The following DENND1B variants were observed in gnomAD, a reference collection of about 807,000 sequenced individuals.
DENND1B encodes DENN domain containing 1B, also known as DENN domain-containing protein 1B.
Under a neutral mutation model 90.1 loss-of-function variants are expected in DENND1B, and 59 were observed. The ratio of observed to expected loss-of-function variants is 0.65; its 90% CI spans 0.53 to 0.81. The LOEUF (loss-of-function observed/expected upper bound fraction) is 0.81. Among genes scored for constraint, DENND1B ranks in the 40% least tolerant of loss-of-function variants. The pLI, the probability that DENND1B is intolerant of heterozygous loss-of-function variation, is 0.00. For synonymous variants in DENND1B, 337 were observed against 324.6 expected (o/e 1.04, Z -0.41); for missense variants, 862 against 912.6 (o/e 0.94, Z 0.71).
intron 10 of DENND1B, among the ~76,000 whole-genome samples, chr1:197,638,225 C>T (rs1055416769): frequency 6.6e-6 from 1 of 152,202 alleles, no homozygotes; most frequent in Admixed American, 6.5e-5. Context: ...TTCCAGTACT[C>T]ATAACATATT....
chr1:197,552,883 T>C (rs1442672913), intron 16 of DENND1B, 139 bp downstream of exon 16: 2 of 1,453,374 alleles, frequency 1.4e-6, no homozygotes, highest in Admixed American at 3.0e-5. Context: ...TTTTATAAGA[T>C]GAAAAATGTA....
chr1:197,534,723 A>G lies in DENND1B; in HGVS notation c.1515+5241T>C, dbSNP rs530844789. 2.6e-5 allele frequency among the ~76,000 whole-genome samples: 4 copies of G among 152,326 alleles called. No individual in the cohort carries two copies. The East Asian group carries it at 5.8e-4, about 22-fold the overall frequency. ...TTAAAGTATTTTTGGAAATAGGTAGAATATAAATGAATAGACATTAGTTTC... is the reference window on the plus strand; with the variant it reads ...TTAAAGTATTTTTGGAAATAGGTAGGATATAAATGAATAGACATTAGTTTC... On this transcript the variant is annotated intron_variant, in intron 20 of 22. Coordinates refer to ENST00000620048, the MANE Select transcript of DENND1B (RefSeq NM_001195215.2).
At chr1:197,670,717 G>T (rs1187695025) in intron 5 of DENND1B, among the ~76,000 whole-genome samples, 1 of 151,868 alleles carries the variant, frequency 6.6e-6, no homozygotes, top group East Asian at 1.9e-4. Context: ...AGTGCATAAA[G>T]ATATACTCCC....
chr1:197,524,779 A>G (rs971473912), intron 20 of DENND1B, among the ~76,000 whole-genome samples: 2 of 152,166 alleles, frequency 1.3e-5, no homozygotes, highest in African/African-American at 4.8e-5. Flanking sequence ...ACTCTCCATT[A>G]TGGTATGTCC....
intron 22 of DENND1B, among the ~76,000 whole-genome samples, chr1:197,511,204 ATAAT>A (rs1168167100): frequency 2.6e-5 from 4 of 151,786 alleles, no homozygotes; most frequent in Non-Finnish European, 4.4e-5. Flanking sequence ...ACTAGATTAT[ATAAT>A]TAATGCCAAG....
At chr1:197,536,160 T>TAGATGAGATGAGATGAGATGAGATG (rs142540016) in intron 20 of DENND1B, among the ~76,000 whole-genome samples, 16 of 126,228 alleles carry the variant, frequency 1.3e-4, no homozygotes, top group African/African-American at 2.2e-4. Context: ...GAGAGAGAGA[T>TAGATGAGATGAGATGAGATGAGATG]AGATGAGATG....
chr1:197,676,215 T>A (rs539396285), intron 3 of DENND1B, among the ~76,000 whole-genome samples: 1 of 152,200 alleles, frequency 6.6e-6, no homozygotes, highest in South Asian at 2.1e-4. Context: ...CTCCCAGGGC[T>A]TGGTTTTCTT....
At chr1:197,597,489 T>C (rs577173153) in intron 13 of DENND1B, among the ~76,000 whole-genome samples, 1 of 151,930 alleles carries the variant, frequency 6.6e-6, no homozygotes, top group African/African-American at 2.4e-5. Flanking sequence ...ATGTGTATTT[T>C]TAAAAATAAA....
At chr1:197,613,339 C>T (rs1572066662) in intron 11 of DENND1B, among the ~76,000 whole-genome samples, 1 of 150,822 alleles carries the variant, frequency 6.6e-6, no homozygotes, top group South Asian at 2.1e-4. Flanking sequence ...TCCTCGTTAG[C>T]CTGTACATTC....
intron 19 of DENND1B, 79 bp from the exon 20 acceptor site, chr1:197,540,150 A>G (rs1317179958): frequency 1.1e-6 from 1 of 951,238 alleles, no homozygotes; most frequent in African/African-American, 1.7e-5. Context: ...TAAACAAAGT[A>G]TCTGATATAC....
chr1:197,772,803 C>T, intron 2 of DENND1B, 65 bp downstream of exon 2: 1 of 1,392,076 alleles, frequency 7.2e-7, no homozygotes, highest in African/African-American at 1.5e-5. Context: ...GCCTGAGGAA[C>T]AGAATGAGAT....
Position 197,716,189 on chromosome 1 carries a change from T to C in DENND1B, c.83-1115A>G, listed in dbSNP as rs116139306. ...TTAATTATAAAACTCAATAAATGTC[T>C]AGCAACATTTTTAGCATGAGCTGGC... On this transcript the variant is annotated intron_variant, in intron 2 of 22. Coordinates refer to ENST00000620048, the MANE Select transcript of DENND1B (RefSeq NM_001195215.2). Among the ~76,000 whole-genome samples the C allele has an allele frequency of 3.8e-3, 571 of 152,000 alleles. 1 individual carries two copies. Among genetic ancestry groups the C allele is most frequent in the African/African-American group, 0.013 (549 of 41,552 alleles).
At chr1:197,654,221 T>G (rs1200239877) in intron 6 of DENND1B, among the ~76,000 whole-genome samples, 1 of 152,196 alleles carries the variant, frequency 6.6e-6, no homozygotes, top group African/African-American at 2.4e-5. Flanking sequence ...TTAAATCCTA[T>G]TTATATAAAT....
chr1:197,654,895 T>G (rs1310407584), intron 6 of DENND1B, among the ~76,000 whole-genome samples: 1 of 152,176 alleles, frequency 6.6e-6, no homozygotes, highest in East Asian at 1.9e-4. Flanking sequence ...TTCACCATAC[T>G]GGGCAGACAG....
intron 13 of DENND1B, among the ~76,000 whole-genome samples, chr1:197,603,194 TAA>T (rs1676362793): frequency 6.6e-6 from 1 of 151,406 alleles, no homozygotes; most frequent in Admixed American, 6.6e-5. Context: ...AATGAAGTTT[TAA>T]AAATAGTGCT....
upstream of DENND1B, among the ~76,000 whole-genome samples, chr1:197,776,451 G>A (rs1290288775): frequency 6.6e-6 from 1 of 152,298 alleles, no homozygotes; most frequent in East Asian, 1.9e-4. Context: ...GACTGTGGAA[G>A]GCCAGGCTCT....
chr1:197,653,633 C>G (rs1653484804), intron 6 of DENND1B, among the ~76,000 whole-genome samples: 2 of 151,932 alleles, frequency 1.3e-5, no homozygotes, highest in African/African-American at 4.8e-5. Context: ...AAATAAGGAA[C>G]ACAAATGGAG....
intron 15 of DENND1B, among the ~76,000 whole-genome samples, chr1:197,571,999 G>A (rs183112998): frequency 2.6e-5 from 4 of 152,236 alleles, no homozygotes; most frequent in Admixed American, 6.5e-5. Context: ...CAGTGTGATC[G>A]ATGCAGAAGA....
intron 10 of DENND1B, among the ~76,000 whole-genome samples, chr1:197,639,379 T>C (rs1164642186): frequency 6.6e-6 from 1 of 152,048 alleles, no homozygotes; most frequent in African/African-American, 2.4e-5. Context: ...TTATCATTTT[T>C]AACCACAAAC....
Sources: allele counts gnomAD v4.1 joint callset (sites outside exome capture counted in the v4.1 genomes callset), GRCh38; gene constraint gnomAD v4.1.1; transcripts MANE v1.5; gene names NCBI Gene and HGNC (gene_info 2026-07-23, HGNC 2026-07-21).